SLC9C1: variants seen among roughly 807,000 people sequenced by gnomAD.
SLC9C1 encodes the protein sodium/hydrogen exchanger 10.
A neutral mutation model predicts 140.9 loss-of-function variants in SLC9C1; 97 were observed. That is an observed-to-expected ratio of 0.69 (90% CI 0.58 to 0.82). SLC9C1 has a LOEUF of 0.82. SLC9C1 is among the 40% of genes least tolerant of loss of function. SLC9C1 has a pLI of 0.00. For synonymous variants in SLC9C1, 440 were observed against 442.6 expected, an observed-to-expected ratio of 0.99 and a Z score of 0.07; for missense variants, 1,340 against 1,389.3, an observed-to-expected ratio of 0.96 and a Z score of 0.56.
chr3:112,159,725 A>T (rs1173740578), intron 26 of SLC9C1, among the ~76,000 whole-genome samples: 1 of 152,020 alleles, frequency 6.6e-6, no homozygotes, highest in African/African-American at 2.4e-5. Flanking sequence ...TTTGCTTTAC[A>T]TATCTGGGGA....
intron 4 of SLC9C1, 128 bp from the exon 5 acceptor site, chr3:112,277,988 G>A: frequency 1.5e-6 from 1 of 677,426 alleles, no homozygotes; most frequent in Non-Finnish European, 2.3e-6. Flanking sequence ...AGACACAGGA[G>A]TGGGGCCATC....
chr3:112,186,764 A>G (rs528459658), intron 20 of SLC9C1, among the ~76,000 whole-genome samples: 4 of 152,230 alleles, frequency 2.6e-5, no homozygotes, highest in Non-Finnish European at 4.4e-5. Flanking sequence ...AAATAAAACA[A>G]TGGAACAGAA....
chr3:112,234,407 T>C (rs1238835246), intron 12 of SLC9C1, among the ~76,000 whole-genome samples: 1 of 151,836 alleles, frequency 6.6e-6, no homozygotes, highest in African/African-American at 2.4e-5. Flanking sequence ...ATTGCAAAAA[T>C]TTTCTCCTAT....
At chr3:112,146,088 T>C (rs1015103145) in intron 28 of SLC9C1, among the ~76,000 whole-genome samples, 5 of 152,162 alleles carry the variant, frequency 3.3e-5, no homozygotes, top group Admixed American at 1.3e-4. Flanking sequence ...TTCTTCTACA[T>C]TTTCTAGTTT....
intron 1 of SLC9C1, among the ~76,000 whole-genome samples, chr3:112,292,743 C>T (rs928890607): frequency 3.3e-5 from 5 of 151,486 alleles, no homozygotes; most frequent in African/African-American, 9.7e-5. Flanking sequence ...CGGGGTTTCA[C>T]TGTGTTAGCC....
At chr3:112,261,157 A>G (rs1391960280) in intron 10 of SLC9C1, among the ~76,000 whole-genome samples, 1 of 152,086 alleles carries the variant, frequency 6.6e-6, no homozygotes, top group Non-Finnish European at 1.5e-5. Context: ...CCAATACCCC[A>G]AATCAGTTGC....
At position 112,199,327 on chromosome 3, in the gene SLC9C1, A is replaced by T. The variant is rs1193238005; in HGVS notation, c.2517T>A (p.Ile839=). 2 of 1,565,148 alleles carry T rather than the reference A, an allele frequency of 1.3e-6. No individual in the cohort carries two copies. ...TGAAAATATTTTGCCTTACCTTATTAATTCCAGCACCTTCAGTTTTACTAA... is the reference window on the plus strand; with the variant it reads ...TGAAAATATTTTGCCTTACCTTATTTATTCCAGCACCTTCAGTTTTACTAA... ...GIISKTEGAG[I]NKLIMAKKKE... is the part of the protein sequence containing the mutation. Residue 839 remains isoleucine (I), a synonymous_variant, in exon 20 of 29, where the codon ATT becomes ATA. Coordinates refer to ENST00000305815, the MANE Select transcript of SLC9C1 (RefSeq NM_183061.3).
At chr3:112,269,312 C>T (rs75940227) in intron 7 of SLC9C1, among the ~76,000 whole-genome samples, 3,001 of 152,210 alleles carry the variant, frequency 0.02, 68 homozygotes, top group Non-Finnish European at 0.03. Flanking sequence ...ATCTCACTAT[C>T]TTACCCAGAC....
chr3:112,218,740 G>C (rs372299747), intron 14 of SLC9C1, among the ~76,000 whole-genome samples: 29 of 152,254 alleles, frequency 1.9e-4, no homozygotes, highest in African/African-American at 7.0e-4. Context: ...GATAATAAAT[G>C]AGAGGGCTCC....
chr3:112,241,677 C>T (rs2079142398), intron 11 of SLC9C1, among the ~76,000 whole-genome samples: 1 of 152,182 alleles, frequency 6.6e-6, no homozygotes, highest in Non-Finnish European at 1.5e-5. Flanking sequence ...CCAGAAGCAT[C>T]ACACTACTTG....
At chr3:112,198,817 CTT>C (rs572176851) in intron 20 of SLC9C1, among the ~76,000 whole-genome samples, 4 of 150,452 alleles carry the variant, frequency 2.7e-5, no homozygotes, top group Non-Finnish European at 4.4e-5. Flanking sequence ...CAGGTTTATG[CTT>C]TTTTTTTCTT....
At chr3:112,154,867 A>T in intron 27 of SLC9C1, 130 bp downstream of exon 27, 1 of 804,246 alleles carries the variant, frequency 1.2e-6, no homozygotes, top group Non-Finnish European at 2.0e-6. Flanking sequence ...TAAGTGTTTT[A>T]CACCAAAATC....
chr3:112,188,602 A>G lies in SLC9C1; in HGVS notation c.2524-6344T>C, dbSNP rs1315702575. Among the ~76,000 whole-genome samples the G allele has an allele frequency of 4.6e-5, 7 of 152,186 alleles. No homozygotes were observed. The East Asian group carries it at 1.3e-3, about 29-fold the overall frequency. ...ATGGCTGCATAGTATTCCATGGTGT[A>G]TATGTGCCACATTTTCTTAATCCAG... On this transcript the variant is annotated intron_variant, in intron 20 of 28. Transcript: ENST00000305815.
intron 10 of SLC9C1, among the ~76,000 whole-genome samples, chr3:112,248,511 T>A (rs538588370): frequency 1.1e-4 from 16 of 152,326 alleles, no homozygotes; most frequent in Non-Finnish European, 1.6e-4. Flanking sequence ...ATTATTATGT[T>A]CTTTATTTCA....
chr3:112,190,928 AACACACACACACACAC>A (rs56930611), intron 20 of SLC9C1, among the ~76,000 whole-genome samples: 8 of 138,794 alleles, frequency 5.8e-5, no homozygotes, highest in African/African-American at 1.3e-4. Context: ...ACTTTTTTTA[AACACACACACACACAC>A]ACACACACAC....
intron 1 of SLC9C1, among the ~76,000 whole-genome samples, chr3:112,293,149 C>T (rs1376244211): frequency 1.3e-5 from 2 of 149,370 alleles, no homozygotes. Context: ...GGTGTGGTGG[C>T]ACATGCCTGT....
intron 2 of SLC9C1, among the ~76,000 whole-genome samples, chr3:112,285,345 C>T (rs2080477929): frequency 6.6e-6 from 1 of 152,032 alleles, no homozygotes; most frequent in Non-Finnish European, 1.5e-5. Context: ...CTCGAGCGAT[C>T]CTCCCACCTC....
chr3:112,267,430 G>C (rs932465776), intron 7 of SLC9C1, among the ~76,000 whole-genome samples: 5 of 151,856 alleles, frequency 3.3e-5, no homozygotes, highest in Non-Finnish European at 7.4e-5. Flanking sequence ...TAAAAAATTA[G>C]CCGGGCGTCG....
At chr3:112,205,342 C>T (rs2078018163) in intron 16 of SLC9C1, among the ~76,000 whole-genome samples, 1 of 151,786 alleles carries the variant, frequency 6.6e-6, no homozygotes, top group African/African-American at 2.4e-5. Flanking sequence ...ATCCAACTTA[C>T]AAGGGACGTG....
Sources: allele counts gnomAD v4.1 joint callset (sites outside exome capture counted in the v4.1 genomes callset), GRCh38; gene constraint gnomAD v4.1.1; transcripts MANE v1.5; gene names NCBI Gene and HGNC (gene_info 2026-07-23, HGNC 2026-07-21).